Variants in ASMTL observed in about 807,000 individuals in gnomAD.
ASMTL encodes probable bifunctional dTTP/UTP pyrophosphatase/methyltransferase protein.
In ASMTL, 57 loss-of-function variants were observed where a neutral mutation model predicts 60.3. The observed-to-expected ratio is 0.95, with a 90% CI of 0.76 to 1.18. The LOEUF (loss-of-function observed/expected upper bound fraction) is 1.18, where lower values mean the gene tolerates loss of function less well. ASMTL is among the 50% of genes most tolerant of loss of function. ASMTL has a pLI of 0.00. For synonymous variants in ASMTL, 419 were observed against 373.0 expected (o/e 1.12, Z -1.42); for missense variants, 981 against 852.6 (o/e 1.15, Z -1.88).
At chrX:1,424,325 C>T (rs60524901) in intron 8 of ASMTL, among the ~76,000 whole-genome samples, 95,514 of 144,202 alleles carry the variant, frequency 0.66, 32,608 homozygotes, top group South Asian at 0.86. Context: ...TCCATTCCCC[C>T]ACCCAGCTAC....
intron 11 of ASMTL, 66 bp from the exon 12 acceptor site, chrX:1,412,920 C>G: frequency 1.3e-6 from 2 of 1,575,198 alleles, no homozygotes; most frequent in Non-Finnish European, 1.7e-6. Context: ...CCGGACAGAT[C>G]CTGGGACGGC....
chrX:1,438,871 C>T (rs1190114608), intron 3 of ASMTL, among the ~76,000 whole-genome samples: 1 of 152,176 alleles, frequency 6.6e-6, no homozygotes, highest in African/African-American at 2.4e-5. Flanking sequence ...AGGTGATCCG[C>T]CCACCTCGGC....
chrX:1,442,119 C>T, intron 2 of ASMTL, 67 bp downstream of exon 2: 3 of 1,569,016 alleles, frequency 1.9e-6, no homozygotes, highest in Non-Finnish European at 1.7e-6. Flanking sequence ...TGTATATTTA[C>T]CACCCGCAAA....
intron 6 of ASMTL, chrX:1,431,838 G>A (rs1441293124): frequency 2.2e-5 from 4 of 181,600 alleles, no homozygotes; most frequent in Non-Finnish European, 3.5e-5. Flanking sequence ...GCTGATTGGT[G>A]CACGCATACT....
chrX:1,432,339 C>T lies in ASMTL; in HGVS notation c.439G>A (p.Glu147Lys), dbSNP rs760642265. The T allele has an allele frequency of 1.1e-5, 17 of 1,613,322 alleles. No individual in the cohort carries two copies. In the South Asian group the frequency reaches 1.9e-4, roughly 18 times the overall value. ...AGCTCCGAGAACTTCACCTTCGTTT[C>T]CTCGTAGAATTCCGAGACCCTGGTG... is the stretch of plus-strand genomic sequence containing the variant. ...LDTRVSEFYE[E>K]TKVKFSELSE... is the part of the protein sequence containing the mutation. Residue 147 changes from glutamate to lysine, a missense_variant, in exon 6 of 13, where the codon GAA becomes AAA. Glu to Lys is a moderately conservative substitution (Grantham distance 56). Transcript: ENST00000381317.
At chrX:1,453,114 G>A (rs2091437064), upstream of ASMTL, among the ~76,000 whole-genome samples, 1 of 145,176 alleles carries the variant, frequency 6.9e-6, no homozygotes, top group African/African-American at 2.6e-5. Context: ...ACGCCCCATT[G>A]ATCTCCCCTG....
chrX:1,420,429 G>GC (rs2090451869), intron 9 of ASMTL, among the ~76,000 whole-genome samples: 1 of 152,078 alleles, frequency 6.6e-6, no homozygotes, highest in African/African-American at 2.4e-5. Context: ...TCTGCAGGAA[G>GC]CCCCCGGCTC....
chrX:1,412,559 C>T, intron 12 of ASMTL, 173 bp downstream of exon 12: 5 of 279,544 alleles, frequency 1.8e-5, no homozygotes, highest in Non-Finnish European at 2.7e-5. Flanking sequence ...GATGGGGTTT[C>T]ACCACGTTGG....
At chrX:1,418,380 T>C (rs1214455392) in intron 10 of ASMTL, among the ~76,000 whole-genome samples, 15 of 150,300 alleles carry the variant, frequency 1.0e-4, no homozygotes, top group Non-Finnish European at 2.2e-4. Context: ...CGTGGGGATG[T>C]AGACACAATG....
intron 6 of ASMTL, among the ~76,000 whole-genome samples, chrX:1,431,214 T>C (rs1199069793): frequency 1.6e-5 from 2 of 124,110 alleles, no homozygotes; most frequent in African/African-American, 6.3e-5. Flanking sequence ...TTATAATTAA[T>C]TATATATAAT....
chrX:1,445,145 C>T (rs190729363), intron 1 of ASMTL, among the ~76,000 whole-genome samples: 1 of 152,114 alleles, frequency 6.6e-6, no homozygotes, highest in East Asian at 1.9e-4. Flanking sequence ...AAAGTCAGGT[C>T]GGCCATCCCA....
upstream of ASMTL, among the ~76,000 whole-genome samples, chrX:1,453,401 G>A (rs1168874376): frequency 2.4e-5 from 3 of 122,832 alleles, no homozygotes; most frequent in African/African-American, 8.9e-5. Flanking sequence ...CCCCAGCTCC[G>A]CCTCCCGGGC....
chrX:1,435,069 T>G lies in ASMTL; in HGVS notation c.353A>C (p.Glu118Ala). ...YRMLSRLSGR[E>A]HSVFTGVAIV... ...CGCGACACCTGTGAACACGCTGTGT[T>G]CTCTCCCACTCAACCTGTAAGACAA... The change falls in exon 5 of 13, where the codon GAA becomes GCA. Residue 118 changes from glutamate to alanine, a missense_variant. Glu to Ala is a moderately radical substitution (Grantham distance 107, BLOSUM62 -1). Coordinates refer to ENST00000381317, the MANE Select transcript of ASMTL (RefSeq NM_004192.4). The G allele has an allele frequency of 4.3e-6, 7 of 1,613,908 alleles. No homozygotes were observed. Among genetic ancestry groups the G allele is most frequent in the Non-Finnish European group, 5.9e-6 (7 of 1,179,846 alleles).
chrX:1,435,099 G>A lies in ASMTL; in HGVS notation c.339-16C>T, dbSNP rs369944439. On this transcript the variant is annotated splice_polypyrimidine_tract_variant and intron_variant, in intron 4 of 12. Coordinates refer to ENST00000381317, the MANE Select transcript of ASMTL (RefSeq NM_004192.4). ...CCCACTCAACCTGTAAGACAACAAC[G>A]GGTGACCACGTGACCATGCTGTGAC... The A allele has an allele frequency of 9.7e-5, 157 of 1,613,644 alleles. No individual in the cohort carries two copies. The highest frequency in any genetic ancestry group is 2.0e-4 in the African/African-American group (15 of 74,910).
rs756726172 is a variant in ASMTL at position 1,435,006 on chromosome X, C to T, written c.400+16G>A. The T allele has an allele frequency of 1.2e-6, 2 of 1,613,574 alleles. No individual in the cohort carries two copies. The highest frequency in any genetic ancestry group is 1.7e-6 in the Non-Finnish European group (2 of 1,179,850). Reference sequence around the variant, plus strand: ...CTCGGCCTCTGGGGCTACCCCGAAACCTGGGCCGCGGTTACCTTTGCTGGA... The same window carrying T: ...CTCGGCCTCTGGGGCTACCCCGAAATCTGGGCCGCGGTTACCTTTGCTGGA... On this transcript the variant is annotated intron_variant, in intron 5 of 12. Coordinates refer to ENST00000381317, the MANE Select transcript of ASMTL (RefSeq NM_004192.4).
chrX:1,412,498 G>A (rs1334158792), intron 12 of ASMTL, among the ~76,000 whole-genome samples: 1 of 152,166 alleles, frequency 6.6e-6, no homozygotes, highest in Admixed American at 6.5e-5. Context: ...AAAGTGCTGG[G>A]ATTATAGGCA....
chrX:1,405,707 G>A (rs1257099376), intron 12 of ASMTL, among the ~76,000 whole-genome samples: 1 of 151,410 alleles, frequency 6.6e-6, no homozygotes, highest in Non-Finnish European at 1.5e-5. Context: ...ATAGATGAAT[G>A]GATGGATATA....
At position 1,452,825 on chromosome X, in the gene ASMTL, C is replaced by T; in HGVS notation, c.16G>A (p.Val6Met). Residue 6 changes from valine (V) to methionine (M), a missense_variant, in exon 1 of 13, where the codon GTG becomes ATG. Transcript: ENST00000381317. The part of the protein sequence containing the change: MVLCP[V>M]IGKLLHKRVV... ...CGCTTGTGCAGCAGCTTCCCAATCA[C>T]CGGGCACAGCACCATGGCGTCCACG... The T allele has an allele frequency of 1.3e-6, 2 of 1,593,306 alleles. No homozygotes were observed. The highest frequency in any genetic ancestry group is 1.3e-5 in the African/African-American group (1 of 74,752).
intron 1 of ASMTL, among the ~76,000 whole-genome samples, chrX:1,447,210 C>T (rs1411567188): frequency 2.0e-5 from 3 of 152,234 alleles, no homozygotes; most frequent in Non-Finnish European, 4.4e-5. Flanking sequence ...AAAGAACACA[C>T]CACCCCTCGT....
Sources: gnomAD v4.1 joint callset for allele counts (sites outside exome capture counted in the v4.1 genomes callset) on GRCh38, gnomAD v4.1.1 for gene constraint, MANE v1.5 for transcripts, NCBI Gene and HGNC (gene_info 2026-07-23, HGNC 2026-07-21) for gene names.